Variants in RAPGEF6 observed in about 807,000 individuals in gnomAD.
RAPGEF6 encodes PDZ domain containing guanine nucleotide exchange factor (GEF) 2.
A neutral mutation model predicts 171.4 loss-of-function variants in RAPGEF6; 56 were observed. The ratio of observed to expected loss-of-function variants is 0.33; its 90% confidence interval spans 0.26 to 0.41. RAPGEF6 has a LOEUF of 0.41. Among genes scored for constraint, RAPGEF6 ranks in the 10% least tolerant of loss-of-function variants. The pLI is 1.00. For synonymous variants in RAPGEF6, 692 were observed against 650.1 expected, an observed-to-expected ratio of 1.06 and a Z score of -0.98; for missense variants, 1,674 against 1,921.4, an observed-to-expected ratio of 0.87 and a Z score of 2.41.
chr5:131,487,400 CTGATTGGTCCATTTTACAGAGTGCT>C (rs1267951360), intron 15 of RAPGEF6, among the ~76,000 whole-genome samples: 1 of 152,228 alleles, frequency 6.6e-6, no homozygotes, highest in East Asian at 1.9e-4. Context: ...CCACATCCTG[CTGATTGGTCCATTTTACAGAGTGCT>C]TGATTGGTCC....
rs781660624 is a variant in RAPGEF6 at position 131,455,841 on chromosome 5, G to A, written c.3036C>T (p.Leu1012=). 1.7e-5 allele frequency: 28 copies of A among 1,613,592 alleles called. No homozygotes were observed. In the East Asian group the frequency reaches 6.0e-4, roughly 35 times the overall value. The change falls in exon 20 of 28, where the codon CTC becomes CTT. Residue 1012 remains leucine, a synonymous_variant. Transcript: ENST00000509018. Reference sequence around the variant, plus strand: ...TCATATCTTTCTTGACAACAGGGAAGAGTGGAATAATTGGAGGCTGCATAC... The same window carrying A: ...TCATATCTTTCTTGACAACAGGGAAAAGTGGAATAATTGGAGGCTGCATAC... ...SQSMQPPIIP[L]FPVVKKDMTF...
At chr5:131,538,434 A>G (rs6898777) in intron 6 of RAPGEF6, among the ~76,000 whole-genome samples, 11,300 of 152,206 alleles carry the variant, frequency 0.074, 854 homozygotes, top group African/African-American at 0.2. Context: ...CTGTAACACA[A>G]TGGTAAGTAT....
intron 6 of RAPGEF6, among the ~76,000 whole-genome samples, chr5:131,522,016 A>C (rs930814431): frequency 1.3e-5 from 2 of 152,176 alleles, no homozygotes; most frequent in African/African-American, 4.8e-5. Context: ...GCAAGACTTA[A>C]GACCAGTAAC....
In RAPGEF6 at chr5:131,479,464, T is replaced by C; in HGVS notation, c.2081+49A>G. ...CCTCCCCCCACCCCAAATAAAAACT[T>C]TACAGTGAAGATGAAAATTCCTGCA... On this transcript the variant is annotated intron_variant, in intron 16 of 27. Coordinates refer to ENST00000509018, the MANE Select transcript of RAPGEF6 (RefSeq NM_016340.6). 3 of 1,597,630 alleles carry C rather than the reference T, an allele frequency of 1.9e-6. No homozygotes were observed. The East Asian group carries it at 6.7e-5, about 36-fold the overall frequency.
intron 11 of RAPGEF6, among the ~76,000 whole-genome samples, chr5:131,501,230 G>C: frequency 6.6e-6 from 1 of 152,024 alleles, no homozygotes; most frequent in Non-Finnish European, 1.5e-5. Flanking sequence ...CAGCTACCTA[G>C]GAGGCTGAGG....
At chr5:131,510,218 C>T (rs1757629366) in intron 8 of RAPGEF6, 96 bp downstream of exon 8, 7 of 1,258,568 alleles carry the variant, frequency 5.6e-6, no homozygotes, top group Non-Finnish European at 6.5e-6. Context: ...TAACACAACA[C>T]ACATTTATTA....
intron 25 of RAPGEF6, among the ~76,000 whole-genome samples, chr5:131,432,367 C>T (rs1222155124): frequency 6.6e-6 from 1 of 152,128 alleles, no homozygotes; most frequent in Non-Finnish European, 1.5e-5. Context: ...GCCTGTAATC[C>T]CAGCACTTTG....
intron 10 of RAPGEF6, 142 bp downstream of exon 10, chr5:131,505,222 C>A (rs1333404781): frequency 2.5e-6 from 2 of 785,820 alleles, no homozygotes; most frequent in Non-Finnish European, 4.0e-6. Flanking sequence ...GAGGCAGATA[C>A]AAAATCTACT....
Position 131,455,983 on chromosome 5 carries a change from A to G in RAPGEF6, c.2894T>C (p.Leu965Pro). The change falls in exon 20 of 28, where the codon CTC becomes CCC. Residue 965 changes from leucine to proline, a missense_variant. Coordinates refer to ENST00000509018, the MANE Select transcript of RAPGEF6 (RefSeq NM_016340.6). ...SGLNLASVAR[L>P]RGTWEKLPSK... Reference sequence around the variant, plus strand: ...TGGTAACTTTTCCCAAGTTCCTCTGAGTCTTGCTACAGATGCCAGGTTCAA... The same window carrying G: ...TGGTAACTTTTCCCAAGTTCCTCTGGGTCTTGCTACAGATGCCAGGTTCAA... The G allele has an allele frequency of 6.2e-7, 1 of 1,614,102 alleles. No homozygotes were observed.
intron 15 of RAPGEF6, among the ~76,000 whole-genome samples, chr5:131,488,721 C>T (rs973339976): frequency 2.6e-5 from 4 of 152,148 alleles, no homozygotes; most frequent in South Asian, 2.1e-4. Flanking sequence ...ACTTCCCTTC[C>T]GTAGGCATAG....
At chr5:131,493,198 G>A (rs528238850) in intron 13 of RAPGEF6, among the ~76,000 whole-genome samples, 98 of 152,166 alleles carry the variant, frequency 6.4e-4, no homozygotes, top group African/African-American at 2.2e-3. Flanking sequence ...CCGAGTAGCT[G>A]GGACTACAGG....
At chr5:131,430,491 G>A (rs762644056) in intron 26 of RAPGEF6, among the ~76,000 whole-genome samples, 29 of 152,150 alleles carry the variant, frequency 1.9e-4, no homozygotes, top group Non-Finnish European at 3.8e-4. Flanking sequence ...TACCACGTAT[G>A]CATACCAATT....
intron 22 of RAPGEF6, among the ~76,000 whole-genome samples, chr5:131,445,569 G>T (rs928719025): frequency 1.3e-5 from 2 of 151,258 alleles, no homozygotes; most frequent in Non-Finnish European, 1.5e-5. Context: ...CCCACTGCGT[G>T]TGTCTGTGTG....
At position 131,504,588 on chromosome 5, in the gene RAPGEF6, T is replaced by TA. The variant is rs760350114; in HGVS notation, c.1254+37dup. On this transcript the variant is annotated intron_variant, in intron 11 of 27. Coordinates refer to ENST00000509018, the MANE Select transcript of RAPGEF6 (RefSeq NM_016340.6). ...CAAGATGAAAGCTTTGATGATAGAA[T>TA]AAAATCAGTGACTAGAAAAATAAGT... 32 of 1,525,742 alleles carry TA rather than the reference T, an allele frequency of 2.1e-5. No individual in the cohort carries two copies. The African/African-American group carries it at 4.4e-4, about 21-fold the overall frequency. 94.5% of individuals were successfully genotyped at this position (1,525,742 alleles called of 1,614,324 possible). A position where few individuals can be genotyped will look rare whatever the true frequency, so the allele number is the denominator to read the frequency against.
intron 3 of RAPGEF6, among the ~76,000 whole-genome samples, chr5:131,598,685 G>T (rs79261619): frequency 6.6e-6 from 1 of 152,336 alleles, no homozygotes; most frequent in African/African-American, 2.4e-5. Flanking sequence ...AACTGTTTAT[G>T]TTGGAAAAAC....
At position 131,548,136 on chromosome 5, in the gene RAPGEF6, T is replaced by A; in HGVS notation, c.406A>T (p.Arg136Ter). The A allele has an allele frequency of 1.2e-6, 2 of 1,614,002 alleles. No individual in the cohort carries two copies. The highest frequency in any genetic ancestry group is 1.7e-6 in the Non-Finnish European group (2 of 1,179,902). ...DSILQREIPA[R>*]QSRRRFRKIN... is the part of the protein sequence containing the mutation. Reference sequence around the variant, plus strand: ...TTCCGAAATCTTCTTCGGGATTGTCTGGCAGGAATTTCTCTTTGTAGAATA... The same window carrying A: ...TTCCGAAATCTTCTTCGGGATTGTCAGGCAGGAATTTCTCTTTGTAGAATA... Residue 136 changes from arginine (R) to a stop codon, truncating the protein, a stop_gained, in exon 6 of 28, where the codon AGA becomes TGA. Coordinates refer to ENST00000509018, the MANE Select transcript of RAPGEF6 (RefSeq NM_016340.6). LOFTEE classifies it high-confidence loss of function.
At chr5:131,543,425 G>A (rs1760288607) in intron 6 of RAPGEF6, among the ~76,000 whole-genome samples, 1 of 152,094 alleles carries the variant, frequency 6.6e-6, no homozygotes, top group South Asian at 2.1e-4. Context: ...GTGGCTGGGA[G>A]AATTTGAGAG....
intron 20 of RAPGEF6, 71 bp downstream of exon 20, chr5:131,455,730 A>C: frequency 7.5e-7 from 1 of 1,334,278 alleles, no homozygotes; most frequent in Admixed American, 1.8e-5. Flanking sequence ...AATATACCAT[A>C]CACAAAAATC....
intron 15 of RAPGEF6, 34 bp from the exon 16 acceptor site, chr5:131,479,787 C>T (rs1180646034): frequency 1.9e-6 from 3 of 1,589,396 alleles, no homozygotes; most frequent in Admixed American, 1.8e-5. Flanking sequence ...CATTTTATTT[C>T]TTCTCTTCAG....
Sources: allele counts gnomAD v4.1 joint callset (sites outside exome capture counted in the v4.1 genomes callset), GRCh38; gene constraint gnomAD v4.1.1; transcripts MANE v1.5; gene names NCBI Gene and HGNC (gene_info 2026-07-23, HGNC 2026-07-21).